DSCAML1: variants seen among roughly 807,000 people sequenced by gnomAD.
DSCAML1 encodes cell adhesion molecule DSCAML1.
Under a neutral mutation model 200.5 loss-of-function variants are expected in DSCAML1, and 38 were observed. The observed-to-expected ratio is 0.19, with a 90% CI of 0.15 to 0.25. DSCAML1 has a LOEUF of 0.25. DSCAML1 is among the 10% of genes least tolerant of loss of function. The probability of loss-of-function intolerance (pLI) is 1.00; values close to 1 mark genes in which losing one functional copy is unlikely to be tolerated. For missense variants in DSCAML1, 2,223 were observed against 2,858.8 expected, an observed-to-expected ratio of 0.78 and a Z score of 5.07; for synonymous variants, 1,215 against 1,165.0, an observed-to-expected ratio of 1.04 and a Z score of -0.87.
At chr11:117,570,182 G>A (rs558887895) in intron 3 of DSCAML1, among the ~76,000 whole-genome samples, 24 of 152,114 alleles carry the variant, frequency 1.6e-4, no homozygotes, top group African/African-American at 5.3e-4. Flanking sequence ...GTCGGCTGGC[G>A]CGTCTCAGAT....
At chr11:117,557,941 AGT>A (rs1261198192) in intron 3 of DSCAML1, among the ~76,000 whole-genome samples, 2 of 152,030 alleles carry the variant, frequency 1.3e-5, no homozygotes, top group Non-Finnish European at 2.9e-5. Flanking sequence ...TCTAGCATCT[AGT>A]GGGTAAAGGC....
At chr11:117,443,837 G>T in intron 21 of DSCAML1, 49 bp downstream of exon 21, 9 of 1,533,094 alleles carry the variant, frequency 5.9e-6, no homozygotes, top group Non-Finnish European at 7.9e-6. Context: ...ATTCTGTAAG[G>T]GAGCTTTTGG....
At chr11:117,438,860 C>G in intron 24 of DSCAML1, 25 bp downstream of exon 24, 4 of 1,519,036 alleles carry the variant, frequency 2.6e-6, no homozygotes, top group Non-Finnish European at 3.5e-6. Flanking sequence ...CCCCTATCTT[C>G]CCCCGCATCC....
intron 15 of DSCAML1, 67 bp downstream of exon 15, chr11:117,471,802 C>CCCACCCCCTTTAACT (rs1555173501): frequency 7.1e-5 from 109 of 1,530,466 alleles, no homozygotes; most frequent in South Asian, 1.4e-4. Context: ...TGAACAGGAT[C>CCCACCCCCTTTAACT]GCTGTAGGCC....
intron 21 of DSCAML1, among the ~76,000 whole-genome samples, chr11:117,442,148 CGT>C (rs1445128602): frequency 3.3e-5 from 5 of 151,032 alleles, no homozygotes; most frequent in African/African-American, 1.2e-4. Flanking sequence ...TGTGTGTATG[CGT>C]GTGTATATGC....
At chr11:117,592,051 A>G (rs575203840) in intron 3 of DSCAML1, among the ~76,000 whole-genome samples, 33 of 152,198 alleles carry the variant, frequency 2.2e-4, no homozygotes, top group African/African-American at 7.2e-5. Flanking sequence ...AATCATGTCT[A>G]TGGGGAGGAG....
At chr11:117,461,341 C>T (rs891560312) in intron 18 of DSCAML1, 109 bp downstream of exon 18, 2 of 1,510,924 alleles carry the variant, frequency 1.3e-6, no homozygotes, top group African/African-American at 1.4e-5. Context: ...GGCTGCACTT[C>T]CTCTTGCCAA....
At chr11:117,632,747 G>T (rs1441567725) in intron 3 of DSCAML1, among the ~76,000 whole-genome samples, 1 of 152,124 alleles carries the variant, frequency 6.6e-6, no homozygotes, top group Admixed American at 6.5e-5. Flanking sequence ...GCCCTGGAAG[G>T]GCTTTGATTT....
chr11:117,665,813 A>G (rs1049209195), intron 3 of DSCAML1, among the ~76,000 whole-genome samples: 9 of 152,294 alleles, frequency 5.9e-5, no homozygotes, highest in African/African-American at 1.9e-4. Flanking sequence ...CAGCCCTAAG[A>G]CACTGCCAAC....
intron 3 of DSCAML1, among the ~76,000 whole-genome samples, chr11:117,732,669 T>C (rs2054243520): frequency 6.6e-6 from 1 of 152,172 alleles, no homozygotes; most frequent in South Asian, 2.1e-4. Flanking sequence ...CTGTCACTTC[T>C]GAAAGGTCTG....
chr11:117,608,141 C>A (rs1299284539), intron 3 of DSCAML1, among the ~76,000 whole-genome samples: 1 of 152,086 alleles, frequency 6.6e-6, no homozygotes, highest in Non-Finnish European at 1.5e-5. Flanking sequence ...GATGATAGCA[C>A]CTAGCGGGTA....
At chr11:117,451,245 G>A (rs927891283) in intron 19 of DSCAML1, among the ~76,000 whole-genome samples, 1 of 152,096 alleles carries the variant, frequency 6.6e-6, no homozygotes, top group African/African-American at 2.4e-5. Context: ...CAACTCTTAT[G>A]GACTCTGATG....
At position 117,642,490 on chromosome 11, in the gene DSCAML1, A is replaced by G. The variant is rs2052432347; in HGVS notation, c.512-109968T>C. Reference sequence around the variant, plus strand: ...CCACTGCCAACATGCTCAGTAGGACACTAGACCAGCAAAGCCACAAAGGTG... The same window carrying G: ...CCACTGCCAACATGCTCAGTAGGACGCTAGACCAGCAAAGCCACAAAGGTG... On this transcript the variant is annotated intron_variant, in intron 3 of 32. Coordinates refer to ENST00000651296, the MANE Select transcript of DSCAML1 (RefSeq NM_020693.4). This position sits in a 1 kb window ranked among gnomAD's most constrained non-coding sequence, Gnocchi z 4.1. Among the ~76,000 whole-genome samples, 1 of 152,234 alleles carries G rather than the reference A, an allele frequency of 6.6e-6. No individual in the cohort carries two copies. The highest frequency in any genetic ancestry group is 1.5e-5 in the Non-Finnish European group (1 of 68,042).
rs34991186 is a variant in DSCAML1 at position 117,450,564 on chromosome 11, G to A, written c.3693C>T (p.Pro1231=). 7.3e-4 allele frequency: 1,185 copies of A among 1,613,958 alleles called. 8 individuals are homozygous for A. The African/African-American group carries it at 0.013, about 17-fold the overall frequency. Residue 1231 remains proline (P), a synonymous_variant, in exon 20 of 33, where the codon CCC becomes CCT. Coordinates refer to ENST00000651296, the MANE Select transcript of DSCAML1 (RefSeq NM_020693.4). ...IRKYTIFCSS[P]GSGQPAPSEY... ...ACTCACTTACCGGCTGGCCAGACCCGGGGCTGGAACAGAAGATGGTGTACT... is the reference window on the plus strand; with the variant it reads ...ACTCACTTACCGGCTGGCCAGACCCAGGGCTGGAACAGAAGATGGTGTACT...
At chr11:117,710,789 T>C (rs999538812) in intron 3 of DSCAML1, among the ~76,000 whole-genome samples, 4 of 152,214 alleles carry the variant, frequency 2.6e-5, no homozygotes, top group African/African-American at 9.6e-5. Context: ...GGATGGGCCC[T>C]GTGGACAATA....
chr11:117,745,058 G>A (rs143548851), intron 3 of DSCAML1, among the ~76,000 whole-genome samples: 370 of 152,270 alleles, frequency 2.4e-3, no homozygotes, highest in South Asian at 9.3e-3. Flanking sequence ...GCAACATTGA[G>A]TGGGGGAAGC....
intron 3 of DSCAML1, among the ~76,000 whole-genome samples, chr11:117,735,487 G>A (rs1030427176): frequency 7.2e-5 from 11 of 152,190 alleles, no homozygotes; most frequent in African/African-American, 2.7e-4. Flanking sequence ...GGAGAGGCTG[G>A]GCGGGGCAGG....
intron 3 of DSCAML1, among the ~76,000 whole-genome samples, chr11:117,601,660 C>T (rs149694100): frequency 1.5e-3 from 234 of 152,320 alleles, no homozygotes; most frequent in African/African-American, 4.2e-3. Context: ...AATAAGAATA[C>T]ATTTCTGCAG....
At chr11:117,784,388 G>A (rs867185103) in intron 1 of DSCAML1, among the ~76,000 whole-genome samples, 2 of 152,262 alleles carry the variant, frequency 1.3e-5, no homozygotes, top group Non-Finnish European at 2.9e-5. Flanking sequence ...AAGGGAGTAA[G>A]CAAATACATA....
Sources: allele counts gnomAD v4.1 joint callset (sites outside exome capture counted in the v4.1 genomes callset), GRCh38; gene constraint gnomAD v4.1.1; non-coding constraint Gnocchi (gnomAD v3.1); transcripts MANE v1.5; gene names NCBI Gene and HGNC (gene_info 2026-07-23, HGNC 2026-07-21).